HOXC4: variants seen among roughly 807,000 people sequenced by gnomAD.
HOXC4 encodes homeobox C4.
HOXC4 carries 15 observed loss-of-function variants against 25.5 expected under a neutral mutation model. That is an observed-to-expected ratio of 0.59 (90% CI 0.39 to 0.91). The LOEUF (loss-of-function observed/expected upper bound fraction) is 0.91. HOXC4 is among the 40% of genes least tolerant of loss of function. HOXC4 has a pLI of 0.00. For missense variants in HOXC4, 342 were observed against 352.4 expected, an observed-to-expected ratio of 0.97 and a Z score of 0.24; for synonymous variants, 165 against 148.0, an observed-to-expected ratio of 1.11 and a Z score of -0.83.
At chr12:54,033,576 G>C (rs202063227) in intron 1 of HOXC4, 280 of 1,572,732 alleles carry the variant, frequency 1.8e-4, no homozygotes, top group Middle Eastern at 6.8e-4. Context: ...CATGAGCCAC[G>C]GTAAACTTTA....
intron 1 of HOXC4, among the ~76,000 whole-genome samples, chr12:54,029,381 C>G (rs929294401): frequency 6.6e-6 from 1 of 150,714 alleles, no homozygotes. Flanking sequence ...AGACTTGCAG[C>G]TTTCTGTTTG....
chr12:54,047,376 C>G (rs991225036), intron 1 of HOXC4, among the ~76,000 whole-genome samples: 1 of 152,248 alleles, frequency 6.6e-6, no homozygotes, highest in Non-Finnish European at 1.5e-5. Context: ...GAGCCGGTCT[C>G]CCGAGCACCG....
intron 1 of HOXC4, chr12:54,034,116 G>GGGGCTGGGCT: frequency 4.0e-6 from 3 of 746,060 alleles, no homozygotes; most frequent in Middle Eastern, 2.6e-4. Flanking sequence ...CGCCTCTCCC[G>GGGGCTGGGCT]GGGCTGGGCT....
chr12:54,034,523 C>T (rs778868144), intron 1 of HOXC4: 11 of 1,573,818 alleles, frequency 7.0e-6, no homozygotes, highest in Non-Finnish European at 9.6e-6. Context: ...AGAGCGCGCC[C>T]CTAGCCGGTT....
At chr12:54,036,449 TAAG>T in intron 1 of HOXC4, among the ~76,000 whole-genome samples, 1 of 152,268 alleles carries the variant, frequency 6.6e-6, no homozygotes, top group Admixed American at 6.5e-5. Flanking sequence ...GGATTTATTA[TAAG>T]GACTAACTTC....
chr12:54,026,245 G>T (rs1940692116), intron 1 of HOXC4, among the ~76,000 whole-genome samples: 1 of 152,088 alleles, frequency 6.6e-6, no homozygotes, highest in Admixed American at 6.5e-5. Context: ...GCACTGACTT[G>T]TTCCCTAGCT....
intron 1 of HOXC4, among the ~76,000 whole-genome samples, chr12:54,035,809 G>A (rs1267174936): frequency 6.6e-6 from 1 of 152,118 alleles, no homozygotes; most frequent in African/African-American, 2.4e-5. Context: ...CCTCACTCTA[G>A]GGACCCATTT....
At chr12:54,020,669 C>A (rs1023216333) in intron 1 of HOXC4, 1 of 152,136 alleles carries the variant, frequency 6.6e-6, no homozygotes, top group Non-Finnish European at 1.5e-5. Context: ...TATGTTCATG[C>A]AAAATTTTGT....
At chr12:54,034,377 G>A (rs1941122193) in intron 1 of HOXC4, 1 of 1,614,174 alleles carries the variant, frequency 6.2e-7, no homozygotes, top group East Asian at 2.2e-5. Flanking sequence ...CGCCGCAGGC[G>A]CATAGAGATC....
At chr12:54,026,341 C>G (rs1404598359) in intron 1 of HOXC4, among the ~76,000 whole-genome samples, 1 of 152,234 alleles carries the variant, frequency 6.6e-6, no homozygotes. Flanking sequence ...CTGTTGGAAA[C>G]CTCTGCTCAG....
At chr12:54,043,213 G>A (rs1053322399) in intron 1 of HOXC4, among the ~76,000 whole-genome samples, 1 of 152,224 alleles carries the variant, frequency 6.6e-6, no homozygotes, top group African/African-American at 2.4e-5. Context: ...TGGGGAGCAA[G>A]TGCAGGGAGA....
Position 54,028,271 on chromosome 12 carries a change from T to A in HOXC4, c.-124+10857T>A, listed in dbSNP as rs1011423186. 462 of 227,074 alleles carry A rather than the reference T, an allele frequency of 2.0e-3. 2 individuals are homozygous for A. Among genetic ancestry groups the A allele is most frequent in the Non-Finnish European group, 3.3e-3 (384 of 116,476 alleles). 14.1% of individuals were successfully genotyped at this position (227,074 alleles called of 1,614,324 possible). A position where few individuals can be genotyped will look rare whatever the true frequency, so the allele number is the denominator to read the frequency against. On this transcript the variant is annotated intron_variant, in intron 1 of 3. Coordinates refer to the HOXC4 transcript ENST00000303406. The stretch of plus-strand genomic sequence containing the variant: ...CATATATATATATATATATATATTT[T>A]TTAAAAGAAATCCAAGTCTTACTTT...
rs369142454 is a variant in HOXC4 at position 54,054,179 on chromosome 12, C to A, written c.257C>A (p.Ala86Glu). The A allele has an allele frequency of 1.2e-6, 2 of 1,613,564 alleles. No individual in the cohort carries two copies. The highest frequency in any genetic ancestry group is 1.7e-5 in the Admixed American group (1 of 60,004). Residue 86 changes from alanine (A) to glutamate (E), a missense_variant, in exon 1 of 2, where the codon GCG becomes GAG. By Grantham distance (107) the Ala-to-Glu change is moderately radical (BLOSUM62 -1). Coordinates refer to ENST00000430889, the MANE Select transcript of HOXC4 (RefSeq NM_153633.3). ...GNSRGHGPAQ[A>E]GHHHPEKSQS... ...TCGCGAGGCCACGGGCCGGCCCAGG[C>A]GGGCCACCACCACCCCGAGAAATCA...
intron 1 of HOXC4, among the ~76,000 whole-genome samples, chr12:54,039,021 G>C (rs546279391): frequency 6.6e-6 from 1 of 152,284 alleles, no homozygotes; most frequent in South Asian, 2.1e-4. Flanking sequence ...ATCCCTCCCT[G>C]TGCGTCACCG....
At chr12:54,033,458 T>A (rs1387664064) in intron 1 of HOXC4, 4 of 1,599,482 alleles carry the variant, frequency 2.5e-6, no homozygotes, top group Non-Finnish European at 3.4e-6. Context: ...AGGAGCGAGC[T>A]AAGAGCAGTG....
intron 1 of HOXC4, chr12:54,034,149 C>G: frequency 1.1e-6 from 1 of 896,776 alleles, no homozygotes; most frequent in Non-Finnish European, 1.8e-6. Context: ...CTGCGGCCCG[C>G]GTGGCCTGTC....
At chr12:54,045,595 T>G (rs985543802) in intron 1 of HOXC4, among the ~76,000 whole-genome samples, 7 of 152,354 alleles carry the variant, frequency 4.6e-5, no homozygotes, top group Non-Finnish European at 8.8e-5. Flanking sequence ...AAAACTTACA[T>G]GTTTGAACAT....
chr12:54,033,415 T>A, intron 1 of HOXC4: 1 of 1,609,822 alleles, frequency 6.2e-7, no homozygotes, highest in Non-Finnish European at 8.5e-7. Flanking sequence ...AACCCCGGGA[T>A]GTACAGTCAG....
intron 1 of HOXC4, among the ~76,000 whole-genome samples, chr12:54,039,569 A>T (rs563086535): frequency 2.4e-4 from 37 of 151,908 alleles, no homozygotes; most frequent in African/African-American, 8.7e-4. Context: ...AATTCTCTCC[A>T]GCAACGCATT....
Sources: gnomAD v4.1 joint callset for allele counts (sites outside exome capture counted in the v4.1 genomes callset) on GRCh38, gnomAD v4.1.1 for gene constraint, MANE v1.5 for transcripts, NCBI Gene and HGNC (gene_info 2026-07-23, HGNC 2026-07-21) for gene names.